PLVAP: variants seen among roughly 807,000 people sequenced by gnomAD.
The protein encoded by PLVAP is plasmalemma vesicle associated protein.
A neutral mutation model predicts 43.1 loss-of-function variants in PLVAP; 34 were observed. The observed-to-expected ratio is 0.79, with a 90% CI of 0.60 to 1.05. The LOEUF (loss-of-function observed/expected upper bound fraction) is 1.05. Ranked by LOEUF, PLVAP falls within the 50% of genes least tolerant of loss-of-function variation. PLVAP has a pLI of 0.00. For missense variants in PLVAP, 574 were observed against 593.4 expected (o/e 0.97, Z 0.34); for synonymous variants, 241 against 237.3 (o/e 1.02, Z -0.14).
Position 17,365,752 on chromosome 19 carries a change from C to T in PLVAP, c.713G>A (p.Arg238His), listed in dbSNP as rs143453891. The T allele has an allele frequency of 3.2e-5, 51 of 1,614,088 alleles. No individual in the cohort carries two copies. Among genetic ancestry groups the T allele is most frequent in the Admixed American group, 1.0e-4 (6 of 60,022 alleles). The change falls in exon 3 of 6, where the codon CGT (arginine) becomes CAT (histidine). Residue 238 changes from arginine (R) to histidine (H), a missense_variant. Physicochemically the swap from Arg to His is conservative, Grantham distance 29. Coordinates refer to ENST00000252590, the MANE Select transcript of PLVAP (RefSeq NM_031310.3). ...LDKDKFEMDL[R>H]NLWRDSIIPR... ...GATAATGGAGTCCCTCCACAGGTTA[C>T]GAAGGTCCATCTCAAACTTGTCCTT...
At chr19:17,372,429 T>A (rs1368922964) in intron 1 of PLVAP, among the ~76,000 whole-genome samples, 6 of 149,186 alleles carry the variant, frequency 4.0e-5, no homozygotes, top group Non-Finnish European at 8.9e-5. Flanking sequence ...ATAATAATAA[T>A]AAAATAATTA....
At chr19:17,373,380 G>A (rs964231986) in intron 1 of PLVAP, among the ~76,000 whole-genome samples, 5 of 152,022 alleles carry the variant, frequency 3.3e-5, no homozygotes, top group Non-Finnish European at 5.9e-5. Context: ...GTAGGGCCCC[G>A]CCATTAGGGG....
intron 1 of PLVAP, among the ~76,000 whole-genome samples, chr19:17,374,623 C>A (rs1015435907): frequency 6.6e-6 from 1 of 151,678 alleles, no homozygotes; most frequent in Non-Finnish European, 1.5e-5. Context: ...TCAGTCCATC[C>A]TTTTTTTGTT....
chr19:17,372,081 TAA>T lies in PLVAP; in HGVS notation c.369+4837_369+4838del, dbSNP rs368346030. ...CGGCAATGTAGTGACACCATGTCTC[TAA>T]AAAAAAAAAAAAAAAAAAAGGATGT... is the stretch of plus-strand genomic sequence containing the variant. On this transcript the variant is annotated intron_variant, in intron 1 of 5. Transcript: ENST00000252590. Among the ~76,000 whole-genome samples the T allele has an allele frequency of 3.3e-3, 323 of 96,948 alleles. 1 individual carries two copies. The highest frequency in any genetic ancestry group is 0.01 in the African/African-American group (269 of 25,900). 63.6% of individuals were successfully genotyped at this position (96,948 alleles called of 152,430 possible).
At chr19:17,360,936 C>T (rs1483004267) in intron 3 of PLVAP, 104 bp from the exon 4 acceptor site, 27 of 957,082 alleles carry the variant, frequency 2.8e-5, no homozygotes, top group Middle Eastern at 3.0e-4. Flanking sequence ...TTTTTTGAGA[C>T]GGAGTTTCGC....
chr19:17,365,451 A>G lies in PLVAP; in HGVS notation c.1014T>C (p.Ala338=). The change falls in exon 3 of 6, where the codon GCT becomes GCC. Residue 338 remains alanine (A), a synonymous_variant. Transcript: ENST00000252590. ...EAQAREAKLQ[A]ECSRQTQLAL... is the part of the protein sequence containing the mutation. ...CTAGCTGGGTCTGCCGGGAGCATTC[A>G]GCTTGGAGCTTGGCCTCCCGGGCCT... 2.5e-6 allele frequency: 4 copies of G among 1,612,948 alleles called. No individual in the cohort carries two copies. The highest frequency in any genetic ancestry group is 3.4e-6 in the Non-Finnish European group (4 of 1,180,010).
intron 1 of PLVAP, among the ~76,000 whole-genome samples, chr19:17,374,070 C>T (rs956468727): frequency 6.6e-6 from 1 of 152,008 alleles, no homozygotes; most frequent in African/African-American, 2.4e-5. Flanking sequence ...GCTGAGGCAA[C>T]AGAATCGCTT....
intron 5 of PLVAP, among the ~76,000 whole-genome samples, chr19:17,356,202 C>T (rs1372166116): frequency 2.6e-5 from 4 of 152,062 alleles, no homozygotes; most frequent in Non-Finnish European, 5.9e-5. Flanking sequence ...CCCAGCTACT[C>T]GGGAGGCTGA....
At chr19:17,363,259 G>T (rs909386829) in intron 3 of PLVAP, among the ~76,000 whole-genome samples, 2 of 152,090 alleles carry the variant, frequency 1.3e-5, no homozygotes, top group Non-Finnish European at 2.9e-5. Context: ...TGCCTCCTGG[G>T]TTCCGGCGAT....
At chr19:17,375,917 C>T (rs1356662614) in intron 1 of PLVAP, among the ~76,000 whole-genome samples, 2 of 150,196 alleles carry the variant, frequency 1.3e-5, no homozygotes, top group Admixed American at 6.6e-5. Context: ...GTGGTGGTGC[C>T]CACCTGTAAT....
intron 1 of PLVAP, among the ~76,000 whole-genome samples, chr19:17,368,190 G>C (rs987440671): frequency 6.7e-6 from 1 of 150,254 alleles, no homozygotes; most frequent in Admixed American, 6.7e-5. Flanking sequence ...TCCTGCCTCA[G>C]TCTCCCTAGT....
intron 1 of PLVAP, among the ~76,000 whole-genome samples, chr19:17,374,944 G>A (rs1050148648): frequency 4.6e-5 from 7 of 151,746 alleles, no homozygotes; most frequent in African/African-American, 1.5e-4. Context: ...TCAGCCTCCC[G>A]AGTAGCTGGG....
chr19:17,366,043 C>T (rs758158077), intron 2 of PLVAP, 45 bp from the exon 3 acceptor site: 11 of 1,611,658 alleles, frequency 6.8e-6, no homozygotes, highest in South Asian at 3.3e-5. Flanking sequence ...TGGGGGCTGC[C>T]GAGAGCACTG....
intron 1 of PLVAP, among the ~76,000 whole-genome samples, chr19:17,372,017 T>G (rs1599578834): frequency 7.9e-6 from 1 of 126,472 alleles, no homozygotes; most frequent in Non-Finnish European, 1.6e-5. Flanking sequence ...GAGGCTGAGG[T>G]GGGAACACTG....
intron 5 of PLVAP, 41 bp from the exon 6 acceptor site, chr19:17,352,409 C>T (rs759040693): frequency 1.0e-5 from 16 of 1,607,336 alleles, no homozygotes; most frequent in South Asian, 2.2e-5. Context: ...GAGTGTCAGA[C>T]AGAGGGAAGG....
At chr19:17,369,534 C>A (rs1245862264) in intron 1 of PLVAP, among the ~76,000 whole-genome samples, 1 of 149,442 alleles carries the variant, frequency 6.7e-6, no homozygotes, top group Non-Finnish European at 1.5e-5. Flanking sequence ...ATTTGGGAGT[C>A]TGAGCCAGGA....
rs150260311 is a variant in PLVAP at position 17,365,602 on chromosome 19, C to T, written c.863G>A (p.Arg288Gln). 1.4e-5 allele frequency: 23 copies of T among 1,612,926 alleles called. No homozygotes were observed. The highest frequency in any genetic ancestry group is 9.3e-5 in the African/African-American group (7 of 74,920). ...GCGTTCGATATCCGCCCGGAGGCTCCGGGCCAGCTCCTCCACCTTGGAGCT... is the reference window on the plus strand; with the variant it reads ...GCGTTCGATATCCGCCCGGAGGCTCTGGGCCAGCTCCTCCACCTTGGAGCT... The part of the protein sequence containing the change: ...LMSSKVEELA[R>Q]SLRADIERVA... The change falls in exon 3 of 6, where the codon CGG becomes CAG. Residue 288 changes from arginine to glutamine, a missense_variant. By Grantham distance (43) the Arg-to-Gln change is conservative. Coordinates refer to ENST00000252590, the MANE Select transcript of PLVAP (RefSeq NM_031310.3).
At chr19:17,358,282 G>A (rs1560090) in intron 5 of PLVAP, among the ~76,000 whole-genome samples, 53,531 of 143,318 alleles carry the variant, frequency 0.37, 12,473 homozygotes, top group African/African-American at 0.68. Flanking sequence ...AAAAAAAAAA[G>A]AAGAAGAGGT....
chr19:17,367,368 C>T (rs191388089), intron 1 of PLVAP, among the ~76,000 whole-genome samples: 1 of 150,270 alleles, frequency 6.7e-6, no homozygotes, highest in Non-Finnish European at 1.5e-5. Context: ...GCCTGTGCCA[C>T]CACGCCTGAC....
Sources: allele counts gnomAD v4.1 joint callset (sites outside exome capture counted in the v4.1 genomes callset), GRCh38; gene constraint gnomAD v4.1.1; transcripts MANE v1.5; gene names NCBI Gene and HGNC (gene_info 2026-07-23, HGNC 2026-07-21).